The following UGT3A2 variants were observed in gnomAD, a reference collection of about 807,000 sequenced individuals.
UGT3A2 encodes the protein UDP-glycosyltransferase 3A2.
In UGT3A2, 32 loss-of-function variants were observed where a neutral mutation model predicts 39.8. That is an observed-to-expected ratio of 0.80 (90% CI 0.61 to 1.08). The LOEUF (loss-of-function observed/expected upper bound fraction) is 1.08. Among genes scored for constraint, UGT3A2 ranks in the 50% least tolerant of loss-of-function variants. The pLI is 0.00. For synonymous variants in UGT3A2, 241 were observed against 230.7 expected (o/e 1.04, Z -0.40); for missense variants, 611 against 637.1 (o/e 0.96, Z 0.44).
chr5:36,055,659 T>C (rs1242383484), intron 2 of UGT3A2, among the ~76,000 whole-genome samples: 1 of 152,222 alleles, frequency 6.6e-6, no homozygotes, highest in Non-Finnish European at 1.5e-5. Flanking sequence ...GGCTGCCTTA[T>C]AGTAATATCC....
At chr5:36,053,493 G>C (rs1742413152) in intron 2 of UGT3A2, among the ~76,000 whole-genome samples, 1 of 152,046 alleles carries the variant, frequency 6.6e-6, no homozygotes, top group African/African-American at 2.4e-5. Context: ...GTAACAGAAG[G>C]CTCTAGAATC....
chr5:36,044,509 G>A (rs953606873), intron 4 of UGT3A2, among the ~76,000 whole-genome samples: 21 of 152,064 alleles, frequency 1.4e-4, no homozygotes, highest in African/African-American at 5.1e-4. Flanking sequence ...GAAATAAAGG[G>A]CAGTTAAATT....
At chr5:36,058,027 A>T (rs750428386) in intron 2 of UGT3A2, among the ~76,000 whole-genome samples, 7 of 152,232 alleles carry the variant, frequency 4.6e-5, no homozygotes, top group Non-Finnish European at 1.0e-4. Flanking sequence ...TATGAAAACT[A>T]ATGTAAAAGA....
rs780668469 is a variant in UGT3A2, at chr5:36,051,866, T to C, written c.311+4A>G. 4.5e-5 allele frequency: 71 copies of C among 1,577,042 alleles called. No homozygotes were observed. The highest frequency in any genetic ancestry group is 1.7e-4 in the Middle Eastern group (1 of 5,990). ...TTTTGTTCAAAGAATAAAAAAACAA[T>C]TACCTGCCACCTAAAGTTTCTTCCA... On this transcript the variant is annotated splice_donor_region_variant and intron_variant, in intron 3 of 6. Coordinates refer to ENST00000282507, the MANE Select transcript of UGT3A2 (RefSeq NM_174914.4).
chr5:36,053,908 T>C (rs772873683), intron 2 of UGT3A2, among the ~76,000 whole-genome samples: 21 of 152,108 alleles, frequency 1.4e-4, no homozygotes, highest in Non-Finnish European at 2.9e-4. Flanking sequence ...CTTCTTTAAC[T>C]CTCCTACCAT....
In UGT3A2 at chr5:36,052,009, A is replaced by T. The variant is rs754443219; in HGVS notation, c.197-25T>A. On this transcript the variant is annotated intron_variant, in intron 2 of 6. Transcript: ENST00000282507. ...TCTAAGAAAACAGCAACGGGTTAAAAAAAAAGTTAAATATGCTACACAAAA... is the reference window on the plus strand; with the variant it reads ...TCTAAGAAAACAGCAACGGGTTAAATAAAAAGTTAAATATGCTACACAAAA... 10 of 1,469,040 alleles carry T rather than the reference A, an allele frequency of 6.8e-6. No individual in the cohort carries two copies. The East Asian group carries it at 1.4e-4, about 20-fold the overall frequency. 91.0% of individuals were successfully genotyped at this position (1,469,040 alleles called of 1,614,324 possible). A position where few individuals can be genotyped will look rare whatever the true frequency, so the allele number is the denominator to read the frequency against.
chr5:36,056,754 C>T (rs1215114989), intron 2 of UGT3A2, among the ~76,000 whole-genome samples: 1 of 152,224 alleles, frequency 6.6e-6, no homozygotes, highest in Non-Finnish European at 1.5e-5. Flanking sequence ...TTTTATCATC[C>T]TAATAGGCTG....
Position 36,035,626 on chromosome 5 carries a change from G to A in UGT3A2, c.*72C>T. ...GAAGGACTAGAGAATGGGGCTGCCA[G>A]AACTAGTGGGAAGCTCCCTAGAAAT... is the stretch of plus-strand genomic sequence containing the variant. On this transcript the variant is annotated 3_prime_UTR_variant, in exon 7 of 7. Coordinates refer to ENST00000282507, the MANE Select transcript of UGT3A2 (RefSeq NM_174914.4). The A allele has an allele frequency of 1.9e-6, 3 of 1,557,614 alleles. No homozygotes were observed. Among genetic ancestry groups the A allele is most frequent in the Non-Finnish European group, 2.6e-6 (3 of 1,149,116 alleles).
intron 5 of UGT3A2, among the ~76,000 whole-genome samples, chr5:36,039,134 A>C (rs1433069398): frequency 2.0e-5 from 3 of 152,362 alleles, no homozygotes; most frequent in Non-Finnish European, 2.9e-5. Context: ...CCCCTAGTAT[A>C]TACATTCAGA....
At chr5:36,054,654 A>G (rs1742450122) in intron 2 of UGT3A2, among the ~76,000 whole-genome samples, 1 of 149,864 alleles carries the variant, frequency 6.7e-6, no homozygotes, top group South Asian at 2.1e-4. Context: ...TAGGATACCA[A>G]TTATAGACAT....
chr5:36,054,879 C>T (rs1742456096), intron 2 of UGT3A2, among the ~76,000 whole-genome samples: 1 of 152,166 alleles, frequency 6.6e-6, no homozygotes, highest in East Asian at 1.9e-4. Context: ...CATGTGGTTA[C>T]AGCTGAGTGG....
In UGT3A2 at chr5:36,049,152, G is replaced by C; in HGVS notation, c.580C>G (p.His194Asp). The C allele has an allele frequency of 6.2e-7, 1 of 1,614,182 alleles. No individual in the cohort carries two copies. The highest frequency in any genetic ancestry group is 8.5e-7 in the Non-Finnish European group (1 of 1,180,048). The change falls in exon 4 of 7, where the codon CAC becomes GAC. Residue 194 changes from histidine to aspartate, a missense_variant. Physicochemically the swap from His to Asp is moderately conservative, Grantham distance 81 (BLOSUM62 -1). Transcript: ENST00000282507. ...VPVFRSLLTD[H>D]MDFWGRVKNF... ...TTCACTCGGCCCCAGAAGTCCATGT[G>C]ATCAGTCAGCAAGGAACGGAATACT...
At chr5:36,044,672 T>C (rs1285461575) in intron 4 of UGT3A2, among the ~76,000 whole-genome samples, 1 of 152,138 alleles carries the variant, frequency 6.6e-6, no homozygotes, top group African/African-American at 2.4e-5. Flanking sequence ...TCAGTAGCAA[T>C]TCTATATGCC....
intron 6 of UGT3A2, among the ~76,000 whole-genome samples, chr5:36,037,020 A>G (rs189906924): frequency 2.0e-5 from 3 of 152,312 alleles, no homozygotes; most frequent in Admixed American, 2.0e-4. Flanking sequence ...CTAGGTGCTA[A>G]GAAGATAGCA....
At chr5:36,063,082 G>A (rs1372980697) in intron 2 of UGT3A2, among the ~76,000 whole-genome samples, 1 of 152,010 alleles carries the variant, frequency 6.6e-6, no homozygotes, top group Non-Finnish European at 1.5e-5. Context: ...CAATGACAAG[G>A]CCTGATATTA....
chr5:36,055,428 C>T (rs532278259), intron 2 of UGT3A2, among the ~76,000 whole-genome samples: 73 of 152,092 alleles, frequency 4.8e-4, no homozygotes, highest in Non-Finnish European at 9.1e-4. Flanking sequence ...GACAGGGTTG[C>T]ACCATGTTGG....
In UGT3A2 at chr5:36,035,825, T is replaced by C; in HGVS notation, c.1445A>G (p.Glu482Gly). ...KPYVFQQPWHEQYLLDVFVFL... is the reference protein window; with the variant it reads ...KPYVFQQPWHGQYLLDVFVFL... The stretch of plus-strand genomic sequence containing the variant: ...CACAAAAACGTCGAGCAGGTACTGC[T>C]CATGCCAGGGCTGCTGAAAGACATA... Residue 482 changes from glutamate to glycine, a missense_variant, in exon 7 of 7, where the codon GAG becomes GGG. Coordinates refer to ENST00000282507, the MANE Select transcript of UGT3A2 (RefSeq NM_174914.4). The C allele has an allele frequency of 6.2e-7, 1 of 1,614,154 alleles. No homozygotes were observed. Among genetic ancestry groups the C allele is most frequent in the Non-Finnish European group, 8.5e-7 (1 of 1,180,032 alleles).
rs990451098 is a variant in UGT3A2, at chr5:36,035,654, T to A, written c.*44A>T. On this transcript the variant is annotated 3_prime_UTR_variant, in exon 7 of 7. Transcript: ENST00000282507. ...CTAGTGGGAAGCTCCCTAGAAATGG[T>A]GACATCGCCCACCAAACAGACCCCG... is the stretch of plus-strand genomic sequence containing the variant. The A allele has an allele frequency of 1.3e-6, 2 of 1,592,886 alleles. No homozygotes were observed. Among genetic ancestry groups the A allele is most frequent in the Non-Finnish European group, 1.7e-6 (2 of 1,166,564 alleles).
rs528590693 is a variant in UGT3A2, at chr5:36,035,509, G to A, written c.*189C>T. 123 of 793,892 alleles carry A rather than the reference G, an allele frequency of 1.5e-4. 2 individuals are homozygous for A. In the South Asian group the frequency reaches 2.3e-3, roughly 15 times the overall value. 49.2% of individuals were successfully genotyped at this position (793,892 alleles called of 1,614,324 possible). A position where few individuals can be genotyped will look rare whatever the true frequency, so the allele number is the denominator to read the frequency against. ...GAAAGAATTCTGCTAGCAGGCAGGAGCTAGTAAGGATGAATTTGTAGCAAA... is the reference window on the plus strand; with the variant it reads ...GAAAGAATTCTGCTAGCAGGCAGGAACTAGTAAGGATGAATTTGTAGCAAA... On this transcript the variant is annotated 3_prime_UTR_variant, in exon 7 of 7. Transcript: ENST00000282507.
Sources: gnomAD v4.1 joint callset for allele counts (sites outside exome capture counted in the v4.1 genomes callset) on GRCh38, gnomAD v4.1.1 for gene constraint, MANE v1.5 for transcripts, NCBI Gene and HGNC (gene_info 2026-07-23, HGNC 2026-07-21) for gene names.